TFAM: variants seen among roughly 807,000 people sequenced by gnomAD.
TFAM encodes the protein transcription factor A, mitochondrial.
In TFAM, 13 loss-of-function variants were observed where a neutral mutation model predicts 30.6. The ratio of observed to expected loss-of-function variants is 0.42; its 90% CI spans 0.28 to 0.67. The LOEUF is 0.67. TFAM is among the 30% of genes least tolerant of loss of function. TFAM has a pLI of 0.21. For missense variants in TFAM, 231 were observed against 293.7 expected (o/e 0.79, Z 1.56); for synonymous variants, 106 against 94.8 (o/e 1.12, Z -0.69).
chr10:58,393,744 A>T (rs1186043213), intron 5 of TFAM, among the ~76,000 whole-genome samples: 1 of 152,088 alleles, frequency 6.6e-6, no homozygotes, highest in Non-Finnish European at 1.5e-5. Context: ...TTTTTAAAAA[A>T]ATTAACCAGG....
intron 6 of TFAM, 167 bp downstream of exon 6, chr10:58,394,581 A>C: frequency 1.3e-6 from 1 of 769,092 alleles, no homozygotes; most frequent in Non-Finnish European, 2.3e-6. Context: ...TTCTCTTGGT[A>C]GTTTTTGTCT....
chr10:58,386,419 G>A (rs1840492613), intron 2 of TFAM, 81 bp downstream of exon 2: 1 of 1,009,168 alleles, frequency 9.9e-7, no homozygotes, highest in Non-Finnish European at 1.6e-6. Context: ...TTGAATTGCA[G>A]TGCTAAAGCA....
intron 5 of TFAM, among the ~76,000 whole-genome samples, chr10:58,392,239 C>T (rs1208405150): frequency 6.6e-6 from 1 of 152,128 alleles, no homozygotes; most frequent in African/African-American, 2.4e-5. Flanking sequence ...TGTCTGTATC[C>T]TCACATTCAC....
rs567906304 is a variant in TFAM at position 58,398,948 on chromosome 10, T to G, written c.*3874T>G. 4.6e-5 allele frequency: 7 copies of G among 152,352 alleles called. No individual in the cohort carries two copies. Among genetic ancestry groups the G allele is most frequent in the Non-Finnish European group, 8.8e-5 (6 of 68,022 alleles). The allele number at this position is 152,352 out of a possible 1,614,324, so 9.4% of individuals were successfully genotyped here. ...AATGTTCTTTTTAAAATTGAACTTC[T>G]GCAGAGTAAGAAAATGAATACATTT... On this transcript the variant is annotated 3_prime_UTR_variant, in exon 7 of 7. Transcript: ENST00000487519.
At chr10:58,394,883 C>G in intron 6 of TFAM, 45 bp from the exon 7 acceptor site, 1 of 1,557,976 alleles carries the variant, frequency 6.4e-7, no homozygotes, top group Non-Finnish European at 8.7e-7. Flanking sequence ...ATCATTTTAT[C>G]TCAAAAAATA....
intron 2 of TFAM, 123 bp from the exon 3 acceptor site, chr10:58,388,067 A>G: frequency 1.3e-6 from 1 of 751,636 alleles, no homozygotes. Flanking sequence ...AGTTGGATAA[A>G]GGAAAGTTAA....
At chr10:58,387,409 C>T (rs144251141) in intron 2 of TFAM, among the ~76,000 whole-genome samples, 1 of 152,236 alleles carries the variant, frequency 6.6e-6, no homozygotes, top group African/African-American at 2.4e-5. Flanking sequence ...GCCATCATTC[C>T]GGTTAAGATG....
Position 58,385,419 on chromosome 10 carries a change from C to A in TFAM, c.-129C>A, listed in dbSNP as rs1244992686. 1 of 738,686 alleles carries A rather than the reference C, an allele frequency of 1.4e-6. No individual in the cohort carries two copies. Among genetic ancestry groups the A allele is most frequent in the South Asian group, 1.5e-5 (1 of 66,806 alleles). The allele number at this position is 738,686 out of a possible 1,614,324, so 45.8% of individuals were successfully genotyped here. On this transcript the variant is annotated 5_prime_UTR_variant, in exon 1 of 7. Coordinates refer to ENST00000487519, the MANE Select transcript of TFAM (RefSeq NM_003201.3). ...TGTTAGCAGATTTCCCATAGTGCCT[C>A]GCTAGTGGCGGGCATGATAACACAC...
intron 4 of TFAM, among the ~76,000 whole-genome samples, chr10:58,389,296 C>A (rs1564567967): frequency 6.6e-6 from 1 of 151,462 alleles, no homozygotes; most frequent in East Asian, 1.9e-4. Context: ...GGATGGAATT[C>A]TTTTTTTTTC....
chr10:58,389,293 A>G (rs1840548535), intron 4 of TFAM, among the ~76,000 whole-genome samples: 1 of 152,188 alleles, frequency 6.6e-6, no homozygotes, highest in Non-Finnish European at 1.5e-5. Context: ...TTAGGATGGA[A>G]TTCTTTTTTT....
In TFAM at chr10:58,394,319, C is replaced by T. The variant is rs770101941; in HGVS notation, c.538-39C>T. 11 of 1,460,076 alleles carry T rather than the reference C, an allele frequency of 7.5e-6. No individual in the cohort carries two copies. The South Asian group carries it at 1.0e-4, about 14-fold the overall frequency. 90.4% of individuals were successfully genotyped at this position (1,460,076 alleles called of 1,614,324 possible). Reference sequence around the variant, plus strand: ...ATGAATAATAAAGGTCACTGAAGTCCCCATATCTACCTTAACTTAAACATA... The same window carrying T: ...ATGAATAATAAAGGTCACTGAAGTCTCCATATCTACCTTAACTTAAACATA... On this transcript the variant is annotated intron_variant, in intron 5 of 6. Transcript: ENST00000487519.
intron 5 of TFAM, among the ~76,000 whole-genome samples, chr10:58,393,675 C>G (rs904579547): frequency 2.6e-5 from 4 of 151,968 alleles, no homozygotes; most frequent in African/African-American, 9.7e-5. Flanking sequence ...TTGCTTGATT[C>G]CAGGAGTTCA....
Position 58,385,795 on chromosome 10 carries a change from A to C in TFAM, c.101+147A>C, listed in dbSNP as rs1426664758. The C allele has an allele frequency of 9.8e-6, 7 of 714,984 alleles. No homozygotes were observed. In the East Asian group the frequency reaches 1.1e-4, roughly 11 times the overall value. The allele number at this position is 714,984 out of a possible 1,614,324, so 44.3% of individuals were successfully genotyped here. Reference sequence around the variant, plus strand: ...TTCAGACCGCGACCTTGCCAAGGGGACGGTGGCCTTGAGACCAGGCCTTTA... The same window carrying C: ...TTCAGACCGCGACCTTGCCAAGGGGCCGGTGGCCTTGAGACCAGGCCTTTA... On this transcript the variant is annotated intron_variant, in intron 1 of 6. Coordinates refer to ENST00000487519, the MANE Select transcript of TFAM (RefSeq NM_003201.3).
chr10:58,389,345 A>T (rs532910948), intron 4 of TFAM, among the ~76,000 whole-genome samples: 1 of 152,170 alleles, frequency 6.6e-6, no homozygotes, highest in African/African-American at 2.4e-5. Context: ...CATGGTTCAA[A>T]ATTTGTAGTT....
At chr10:58,391,375 A>G (rs1840595373) in intron 5 of TFAM, among the ~76,000 whole-genome samples, 2 of 152,138 alleles carry the variant, frequency 1.3e-5, no homozygotes, top group South Asian at 4.1e-4. Context: ...TTTGCTGCTT[A>G]GAAGCTCCAA....
intron 5 of TFAM, among the ~76,000 whole-genome samples, chr10:58,391,807 C>T (rs1431108444): frequency 6.6e-6 from 1 of 151,714 alleles, no homozygotes; most frequent in African/African-American, 2.4e-5. Flanking sequence ...TTTGCACCAA[C>T]CTAATAGTAT....
At chr10:58,388,154 T>G in intron 2 of TFAM, 36 bp from the exon 3 acceptor site, 1 of 1,539,432 alleles carries the variant, frequency 6.5e-7, no homozygotes, top group South Asian at 1.1e-5. Flanking sequence ...AGAGGTAAAA[T>G]TGTGGCATCT....
Position 58,397,881 on chromosome 10 carries a change from G to A in TFAM, c.*2807G>A, listed in dbSNP as rs77032090. On this transcript the variant is annotated 3_prime_UTR_variant, in exon 7 of 7. Coordinates refer to ENST00000487519, the MANE Select transcript of TFAM (RefSeq NM_003201.3). ...TGGGCTCAAGTGATCCTTCCGAGTC[G>A]TTGGGACTACAGTAGGTGAACACCA... 0.038 allele frequency: 5,763 copies of A among 150,924 alleles called. 378 individuals carry two copies. The highest frequency in any genetic ancestry group is 0.32 in the East Asian group (1,615 of 5,070). 9.3% of individuals were successfully genotyped at this position (150,924 alleles called of 1,614,324 possible). A position where few individuals can be genotyped will look rare whatever the true frequency, so the allele number is the denominator to read the frequency against.
chr10:58,385,432 CATG>C lies in TFAM; in HGVS notation c.-113_-111del. 1 of 742,288 alleles carries C rather than the reference CATG, an allele frequency of 1.3e-6. No homozygotes were observed. The highest frequency in any genetic ancestry group is 2.3e-6 in the Non-Finnish European group (1 of 431,366). The allele number at this position is 742,288 out of a possible 1,614,324, so 46.0% of individuals were successfully genotyped here. On this transcript the variant is annotated 5_prime_UTR_variant, in exon 1 of 7. The change abolishes an upstream ATG in the 5' untranslated region. Transcript: ENST00000487519. ...CCCATAGTGCCTCGCTAGTGGCGGGCATGATAACACACGCCGGAGGGTCGCACG... is the reference window on the plus strand; with the variant it reads ...CCCATAGTGCCTCGCTAGTGGCGGGCATAACACACGCCGGAGGGTCGCACG...
Sources: allele counts gnomAD v4.1 joint callset (sites outside exome capture counted in the v4.1 genomes callset), GRCh38; gene constraint gnomAD v4.1.1; transcripts MANE v1.5; gene names NCBI Gene and HGNC (gene_info 2026-07-23, HGNC 2026-07-21).